SBF2: variants seen among roughly 807,000 people sequenced by gnomAD.
SBF2 encodes the protein myotubularin-related protein 13.
Under a neutral mutation model 225.2 loss-of-function variants are expected in SBF2, and 112 were observed. That is an observed-to-expected ratio of 0.50 (90% confidence interval 0.43 to 0.58). The LOEUF is 0.58. SBF2 is among the 20% of genes least tolerant of loss of function. SBF2 has a pLI of 0.00. For synonymous variants in SBF2, 763 were observed against 773.3 expected, an observed-to-expected ratio of 0.99 and a Z score of 0.22; for missense variants, 1,996 against 2,206.2, an observed-to-expected ratio of 0.90 and a Z score of 1.91.
At chr11:10,071,561 C>T (rs932530443) in intron 2 of SBF2, among the ~76,000 whole-genome samples, 10 of 152,128 alleles carry the variant, frequency 6.6e-5, no homozygotes, top group African/African-American at 1.2e-4. Flanking sequence ...CCGCCGTGCC[C>T]GGCCATTGTG....
chr11:10,285,066 T>C (rs1040783307), intron 1 of SBF2, among the ~76,000 whole-genome samples: 10 of 151,994 alleles, frequency 6.6e-5, no homozygotes, highest in African/African-American at 2.4e-4. Context: ...TCCCAGTGCT[T>C]TGGGAAGTTC....
chr11:10,290,385 A>T (rs1290022765), intron 1 of SBF2, among the ~76,000 whole-genome samples: 2 of 152,090 alleles, frequency 1.3e-5, no homozygotes, highest in Non-Finnish European at 2.9e-5. Context: ...CTTCCAATGG[A>T]AGCAACTCAC....
intron 16 of SBF2, chr11:9,958,954 T>G (rs10840332): frequency 2.8e-6 from 2 of 702,154 alleles, no homozygotes; most frequent in African/African-American, 3.5e-5. Context: ...CATGGGAATG[T>G]GGATGTGGTA....
intron 14 of SBF2, among the ~76,000 whole-genome samples, chr11:9,965,052 T>C (rs1234623765): frequency 6.6e-6 from 1 of 151,614 alleles, no homozygotes; most frequent in Non-Finnish European, 1.5e-5. Context: ...GTCACCAGCG[T>C]CTTATTATTC....
At position 10,049,685 on chromosome 11, in the gene SBF2, T is replaced by C. The variant is rs181078837; in HGVS notation, c.142-6704A>G. Reference sequence around the variant, plus strand: ...CATAAAACTCTTTTAGAATTCTCAATAATTTGTGACAGTATAAAGGGTACT... The same window carrying C: ...CATAAAACTCTTTTAGAATTCTCAACAATTTGTGACAGTATAAAGGGTACT... On this transcript the variant is annotated intron_variant, in intron 2 of 39. Coordinates refer to ENST00000256190, the MANE Select transcript of SBF2 (RefSeq NM_030962.4). Among the ~76,000 whole-genome samples the C allele has an allele frequency of 5.9e-5, 9 of 152,254 alleles. No homozygotes were observed. The East Asian group carries it at 1.7e-3, about 29-fold the overall frequency.
intron 1 of SBF2, among the ~76,000 whole-genome samples, chr11:10,263,157 T>C (rs1201419174): frequency 1.3e-5 from 2 of 152,008 alleles, no homozygotes; most frequent in Non-Finnish European, 2.9e-5. Flanking sequence ...GATAAATCAT[T>C]CAAGAATCTT....
At chr11:9,855,228 G>C (rs1438830591) in intron 19 of SBF2, among the ~76,000 whole-genome samples, 2 of 152,176 alleles carry the variant, frequency 1.3e-5, no homozygotes, top group African/African-American at 2.4e-5. Flanking sequence ...ATGGGTGGGG[G>C]TAAGAGATCT....
chr11:9,829,393 G>A lies in SBF2; in HGVS notation c.3756C>T (p.Ser1252=). ...CAAAGGCTGGCCTGACAGTAAGAGT[G>A]CTGTTGCCTCTGAGTTTCTGATGGA... is the stretch of plus-strand genomic sequence containing the variant. ...VSVHQKLRGN[S]TLTVRPAFAL... The change falls in exon 28 of 40, where the codon AGC becomes AGT. Residue 1252 remains serine (S), a synonymous_variant. Coordinates refer to ENST00000256190, the MANE Select transcript of SBF2 (RefSeq NM_030962.4). 3.1e-6 allele frequency: 5 copies of A among 1,614,074 alleles called. No individual in the cohort carries two copies. Among genetic ancestry groups the A allele is most frequent in the Non-Finnish European group, 4.2e-6 (5 of 1,179,920 alleles).
Position 10,173,559 on chromosome 11 carries a change from T to A in SBF2, c.141+20343A>T, listed in dbSNP as rs550592685. On this transcript the variant is annotated intron_variant, in intron 2 of 39. Transcript: ENST00000256190. ...CTAGCACAGCAGTCTGAGATCAAACTGCAAGGCGGCAGCGAGGCTGGGGGA... is the reference window on the plus strand; with the variant it reads ...CTAGCACAGCAGTCTGAGATCAAACAGCAAGGCGGCAGCGAGGCTGGGGGA... Among the ~76,000 whole-genome samples, 6 of 152,288 alleles carry A rather than the reference T, an allele frequency of 3.9e-5. 1 individual carries two copies. In the South Asian group the frequency reaches 1.0e-3, roughly 26 times the overall value.
At chr11:9,790,819 T>C (rs1227912678) in intron 33 of SBF2, 136 bp from the exon 34 acceptor site, 18 of 675,844 alleles carry the variant, frequency 2.7e-5, no homozygotes, top group Non-Finnish European at 4.6e-5. Flanking sequence ...TGTGAAAACC[T>C]TAGAAAATAA....
chr11:9,908,232 T>C (rs984422546), intron 16 of SBF2, among the ~76,000 whole-genome samples: 1 of 152,250 alleles, frequency 6.6e-6, no homozygotes, highest in African/African-American at 2.4e-5. Context: ...GTTCATTTTA[T>C]CTCTATATTT....
At chr11:9,822,622 C>T (rs1434731032) in intron 28 of SBF2, among the ~76,000 whole-genome samples, 1 of 152,124 alleles carries the variant, frequency 6.6e-6, no homozygotes, top group Non-Finnish European at 1.5e-5. Context: ...TCAGTAAGAA[C>T]CGGCTAAGGG....
chr11:9,941,912 G>A (rs1865273250), intron 16 of SBF2, among the ~76,000 whole-genome samples: 1 of 152,046 alleles, frequency 6.6e-6, no homozygotes, highest in South Asian at 2.1e-4. Flanking sequence ...AATTAAGGAA[G>A]TTTGCAATAT....
rs1852462300 is a variant in SBF2, at chr11:9,787,665, A to G, written c.5006T>C (p.Val1669Ala). The change falls in exon 36 of 40, where the codon GTG becomes GCG. Residue 1669 changes from valine to alanine, a missense_variant. Val to Ala is a moderately conservative substitution (Grantham distance 64, BLOSUM62 0). Coordinates refer to ENST00000256190, the MANE Select transcript of SBF2 (RefSeq NM_030962.4). ...TGTTCTTGGTTCTTCTTTAAGGTCC[A>G]CGGTTACCCTTTCCCACAGCTGCTG... ...KWQQLWERVTVDLKEEPRTDR... is the reference protein window; with the variant it reads ...KWQQLWERVTADLKEEPRTDR... 1.2e-6 allele frequency: 2 copies of G among 1,614,082 alleles called. No individual in the cohort carries two copies. Among genetic ancestry groups the G allele is most frequent in the Admixed American group, 3.3e-5 (2 of 60,002 alleles).
intron 2 of SBF2, among the ~76,000 whole-genome samples, chr11:10,130,634 A>C (rs1306213114): frequency 6.6e-6 from 1 of 152,148 alleles, no homozygotes; most frequent in Non-Finnish European, 1.5e-5. Flanking sequence ...ACAATCAATA[A>C]ATAAAACTAT....
rs2134369689 is a variant in SBF2 at position 9,963,885 on chromosome 11, A to C, written c.1601-3T>G. On this transcript the variant is annotated splice_polypyrimidine_tract_variant and splice_region_variant and intron_variant, in intron 14 of 39. Coordinates refer to ENST00000256190, the MANE Select transcript of SBF2 (RefSeq NM_030962.4). The stretch of plus-strand genomic sequence containing the variant: ...CGTCACCTTGTCCATTATCGAAACT[A>C]GTAAAAGAATATAAAGAAAGCACAA... 2 of 1,501,562 alleles carry C rather than the reference A, an allele frequency of 1.3e-6. No homozygotes were observed. The highest frequency in any genetic ancestry group is 1.9e-6 in the Non-Finnish European group (2 of 1,079,156). 93.0% of individuals were successfully genotyped at this position (1,501,562 alleles called of 1,614,324 possible). A position where few individuals can be genotyped will look rare whatever the true frequency, so the allele number is the denominator to read the frequency against.
At chr11:10,201,904 GAA>G (rs1957583082) in intron 1 of SBF2, among the ~76,000 whole-genome samples, 1 of 152,146 alleles carries the variant, frequency 6.6e-6, no homozygotes, top group African/African-American at 2.4e-5. Context: ...AAGTTGAAGA[GAA>G]TACATAACGA....
At position 9,885,182 on chromosome 11, in the gene SBF2, C is replaced by T. The variant is rs552872147; in HGVS notation, c.1929+10761G>A. Among the ~76,000 whole-genome samples the T allele has an allele frequency of 3.4e-4, 44 of 128,582 alleles. No homozygotes were observed. In the South Asian group the frequency reaches 0.011, roughly 33 times the overall value. The allele number at this position is 128,582 out of a possible 152,430, so 84.4% of individuals were successfully genotyped here. ...AGGAGAATCACTTGAACCCGGGAGGCGGAGGCTGCAGTGAGCTCAGATTGC... is the reference window on the plus strand; with the variant it reads ...AGGAGAATCACTTGAACCCGGGAGGTGGAGGCTGCAGTGAGCTCAGATTGC... On this transcript the variant is annotated intron_variant, in intron 17 of 39. Coordinates refer to ENST00000256190, the MANE Select transcript of SBF2 (RefSeq NM_030962.4).
At chr11:9,915,561 A>T (rs1191680315) in intron 16 of SBF2, 1 of 152,090 alleles carries the variant, frequency 6.6e-6, no homozygotes, top group Non-Finnish European at 1.5e-5. Flanking sequence ...TACAGTTTAC[A>T]TAGTTTCAAA....
Sources: allele counts gnomAD v4.1 joint callset (sites outside exome capture counted in the v4.1 genomes callset), GRCh38; gene constraint gnomAD v4.1.1; transcripts MANE v1.5; gene names NCBI Gene and HGNC (gene_info 2026-07-23, HGNC 2026-07-21).